The following SLCO5A1 variants were observed in gnomAD, a reference collection of about 807,000 sequenced individuals.
The protein encoded by SLCO5A1 is solute carrier organic anion transporter family member 5A1.
A neutral mutation model predicts 65.1 loss-of-function variants in SLCO5A1; 39 were observed. The ratio of observed to expected loss-of-function variants is 0.60; its 90% CI spans 0.46 to 0.78. The LOEUF (loss-of-function observed/expected upper bound fraction) is 0.78. SLCO5A1 is among the 30% of genes least tolerant of loss of function. SLCO5A1 has a pLI of 0.00. For synonymous variants in SLCO5A1, 438 were observed against 415.7 expected (o/e 1.05, Z -0.65); for missense variants, 1,029 against 1,069.4 (o/e 0.96, Z 0.53).
intron 2 of SLCO5A1, among the ~76,000 whole-genome samples, chr8:69,829,540 C>T (rs1203751834): frequency 3.3e-5 from 5 of 152,190 alleles, no homozygotes; most frequent in Middle Eastern, 6.8e-3. Flanking sequence ...TAGCTGGGCA[C>T]GGTGGCACAG....
chr8:69,692,914 T>C (rs1382898855), intron 6 of SLCO5A1, among the ~76,000 whole-genome samples: 1 of 152,208 alleles, frequency 6.6e-6, no homozygotes, highest in Non-Finnish European at 1.5e-5. Context: ...AAGTATAGTA[T>C]AGTAAATGCA....
Position 69,791,718 on chromosome 8 carries a change from A to T in SLCO5A1, c.908-29843T>A, listed in dbSNP as rs529815136. 3.3e-5 allele frequency among the ~76,000 whole-genome samples: 5 copies of T among 152,330 alleles called. No individual in the cohort carries two copies. The East Asian group carries it at 9.6e-4, about 29-fold the overall frequency. On this transcript the variant is annotated intron_variant, in intron 2 of 9. Coordinates refer to ENST00000260126, the MANE Select transcript of SLCO5A1 (RefSeq NM_030958.3). Reference sequence around the variant, plus strand: ...GTGTGACAGCATCCAGGTCATTAACAACAGAAGCATTTGCTCTGAAACTAG... The same window carrying T: ...GTGTGACAGCATCCAGGTCATTAACTACAGAAGCATTTGCTCTGAAACTAG...
intron 5 of SLCO5A1, chr8:69,713,773 A>G (rs1327645349): frequency 1.3e-5 from 2 of 152,238 alleles, no homozygotes; most frequent in East Asian, 1.9e-4. Flanking sequence ...CACATCACAG[A>G]GGAAGAAACA....
chr8:69,689,744 T>C (rs1054936732), intron 6 of SLCO5A1, among the ~76,000 whole-genome samples: 1 of 150,004 alleles, frequency 6.7e-6, no homozygotes, highest in Non-Finnish European at 1.5e-5. Flanking sequence ...TACTGTAGGC[T>C]TGTAGTATAG....
Position 69,776,558 on chromosome 8 carries a change from C to G in SLCO5A1, c.908-14683G>C, listed in dbSNP as rs1277868583. ...TACAAAAATTAGCTGAGCATGATGA[C>G]ATGCATCTGTAGTCCCGGCTACTCA... On this transcript the variant is annotated intron_variant, in intron 2 of 9. Coordinates refer to ENST00000260126, the MANE Select transcript of SLCO5A1 (RefSeq NM_030958.3). 2.6e-5 allele frequency among the ~76,000 whole-genome samples: 4 copies of G among 152,182 alleles called. No individual in the cohort carries two copies. In the East Asian group the frequency reaches 7.7e-4, roughly 29 times the overall value.
At chr8:69,695,899 A>G (rs1468279095) in intron 6 of SLCO5A1, among the ~76,000 whole-genome samples, 1 of 152,242 alleles carries the variant, frequency 6.6e-6, no homozygotes, top group Non-Finnish European at 1.5e-5. Context: ...TAAGAAAAAC[A>G]AGACCAGGGT....
At chr8:69,723,016 T>G (rs1586726901) in intron 5 of SLCO5A1, among the ~76,000 whole-genome samples, 1 of 152,312 alleles carries the variant, frequency 6.6e-6, no homozygotes, top group Middle Eastern at 3.4e-3. Flanking sequence ...CATGTTAGTA[T>G]AAGACACAAC....
Position 69,667,162 on chromosome 8 carries a change from G to A in SLCO5A1, c.*5707C>T, listed in dbSNP as rs148185310. On this transcript the variant is annotated 3_prime_UTR_variant, in exon 10 of 10. Coordinates refer to ENST00000260126, the MANE Select transcript of SLCO5A1 (RefSeq NM_030958.3). ...CGACAACAGATTTCATTAAACACAC[G>A]GAAATTATACATCTTTTAAATTACC... is the stretch of plus-strand genomic sequence containing the variant. 1.1e-3 allele frequency: 164 copies of A among 152,088 alleles called. No individual in the cohort carries two copies. The highest frequency in any genetic ancestry group is 3.6e-3 in the African/African-American group (151 of 41,472). 9.4% of individuals were successfully genotyped at this position (152,088 alleles called of 1,614,324 possible).
chr8:69,679,236 C>T, intron 8 of SLCO5A1, 142 bp downstream of exon 8: 1 of 1,147,504 alleles, frequency 8.7e-7, no homozygotes, highest in African/African-American at 1.6e-5. Flanking sequence ...CCTAAGTTCA[C>T]CAGGCAAATA....
At chr8:69,825,013 C>G (rs1369603520) in intron 2 of SLCO5A1, among the ~76,000 whole-genome samples, 1 of 151,972 alleles carries the variant, frequency 6.6e-6, no homozygotes, top group Non-Finnish European at 1.5e-5. Context: ...ATAAACAGAA[C>G]CAAAGACAAA....
chr8:69,779,394 T>A (rs1351443675), intron 2 of SLCO5A1, among the ~76,000 whole-genome samples: 1 of 152,180 alleles, frequency 6.6e-6, no homozygotes, highest in Non-Finnish European at 1.5e-5. Flanking sequence ...AGAAGACTAT[T>A]TGCATAAAAA....
intron 7 of SLCO5A1, 59 bp downstream of exon 7, chr8:69,682,125 T>A: frequency 6.6e-7 from 1 of 1,526,518 alleles, no homozygotes. Flanking sequence ...AGGAATTTCA[T>A]CACATCCTTG....
At chr8:69,680,371 T>A (rs375169332) in intron 7 of SLCO5A1, among the ~76,000 whole-genome samples, 17 of 152,310 alleles carry the variant, frequency 1.1e-4, no homozygotes, top group African/African-American at 3.6e-4. Flanking sequence ...CACTTATAAG[T>A]GAGAACATGC....
At chr8:69,727,119 G>C (rs1191720145) in intron 5 of SLCO5A1, among the ~76,000 whole-genome samples, 3 of 152,202 alleles carry the variant, frequency 2.0e-5, no homozygotes, top group African/African-American at 7.2e-5. Context: ...GTGAGGCCTT[G>C]AAGGTGGGAC....
chr8:69,731,088 C>T (rs541390963), intron 5 of SLCO5A1, among the ~76,000 whole-genome samples: 5 of 152,116 alleles, frequency 3.3e-5, no homozygotes, highest in Admixed American at 3.3e-4. Context: ...ACCTCTGCCT[C>T]CCAGGTTCAA....
At chr8:69,830,057 A>G (rs1821094709) in intron 2 of SLCO5A1, among the ~76,000 whole-genome samples, 1 of 152,222 alleles carries the variant, frequency 6.6e-6, no homozygotes, top group African/African-American at 2.4e-5. Flanking sequence ...GAGAGGCAAG[A>G]TGGTAAGCAA....
intron 2 of SLCO5A1, among the ~76,000 whole-genome samples, chr8:69,793,341 G>T (rs1819351908): frequency 6.6e-6 from 1 of 151,696 alleles, no homozygotes; most frequent in Admixed American, 6.6e-5. Flanking sequence ...TAAGTTCAGT[G>T]CACACAAATT....
intron 4 of SLCO5A1, among the ~76,000 whole-genome samples, chr8:69,742,668 G>A (rs893444210): frequency 1.3e-5 from 2 of 152,010 alleles, no homozygotes; most frequent in South Asian, 2.1e-4. Context: ...ACGTGCACAC[G>A]GACCTGGTGT....
At chr8:69,702,908 A>G (rs947530077) in intron 6 of SLCO5A1, among the ~76,000 whole-genome samples, 3 of 152,090 alleles carry the variant, frequency 2.0e-5, no homozygotes, top group Non-Finnish European at 4.4e-5. Context: ...CAGGAGTTTG[A>G]GACCAGCCTG....
Sources: allele counts gnomAD v4.1 joint callset (sites outside exome capture counted in the v4.1 genomes callset), GRCh38; gene constraint gnomAD v4.1.1; transcripts MANE v1.5; gene names NCBI Gene and HGNC (gene_info 2026-07-23, HGNC 2026-07-21).